The following ATP10A variants were observed in gnomAD, a reference collection of about 807,000 sequenced individuals.
ATP10A encodes the protein phospholipid-transporting ATPase VA.
In ATP10A, 111 loss-of-function variants were observed where a neutral mutation model predicts 147.8. That is an observed-to-expected ratio of 0.75 (90% CI 0.64 to 0.88). The LOEUF is 0.88. ATP10A is among the 40% of genes least tolerant of loss of function. The probability of loss-of-function intolerance (pLI) is 0.00; values close to 1 mark genes in which losing one functional copy is unlikely to be tolerated. For synonymous variants in ATP10A, 875 were observed against 841.6 expected, an observed-to-expected ratio of 1.04 and a Z score of -0.69; for missense variants, 1,927 against 1,959.0, an observed-to-expected ratio of 0.98 and a Z score of 0.31.
chr15:25,762,037 TG>T (rs1405563256), intron 2 of ATP10A, among the ~76,000 whole-genome samples: 4 of 152,160 alleles, frequency 2.6e-5, no homozygotes, highest in African/African-American at 9.7e-5. Context: ...AGGGATCCGG[TG>T]GGAGGTAAAT....
chr15:25,825,263 T>G (rs1409499605), intron 1 of ATP10A, among the ~76,000 whole-genome samples: 1 of 152,098 alleles, frequency 6.6e-6, no homozygotes, highest in East Asian at 1.9e-4. Flanking sequence ...ATGGTGGCTA[T>G]GAGGTGGGGC....
At chr15:25,805,662 T>C (rs17116194) in intron 1 of ATP10A, among the ~76,000 whole-genome samples, 2,587 of 152,226 alleles carry the variant, frequency 0.017, 85 homozygotes, top group African/African-American at 0.059. Flanking sequence ...GGGAAGAACA[T>C]GAAGAAATGC....
chr15:25,759,866 T>C (rs868265730), intron 2 of ATP10A, among the ~76,000 whole-genome samples: 4 of 152,118 alleles, frequency 2.6e-5, no homozygotes, highest in Non-Finnish European at 2.9e-5. Flanking sequence ...AGGAAACTGA[T>C]TCTATGTTTA....
intron 3 of ATP10A, among the ~76,000 whole-genome samples, chr15:25,731,828 T>C (rs1886953075): frequency 6.6e-6 from 1 of 152,220 alleles, no homozygotes; most frequent in Admixed American, 6.5e-5. Flanking sequence ...CATACTATAA[T>C]GTTCACTCAT....
At chr15:25,794,230 T>TACTGA (rs1890560980) in intron 1 of ATP10A, among the ~76,000 whole-genome samples, 1 of 152,154 alleles carries the variant, frequency 6.6e-6, no homozygotes, top group Non-Finnish European at 1.5e-5. Context: ...AGGCTTCTCT[T>TACTGA]GCAACAACTT....
chr15:25,735,622 G>T (rs1217382654), intron 3 of ATP10A, among the ~76,000 whole-genome samples: 2 of 152,172 alleles, frequency 1.3e-5, no homozygotes, highest in Non-Finnish European at 2.9e-5. Flanking sequence ...ATTACATCCA[G>T]TGCCTTGAAT....
intron 2 of ATP10A, among the ~76,000 whole-genome samples, chr15:25,750,770 G>A (rs1362165307): frequency 6.6e-6 from 1 of 151,954 alleles, no homozygotes; most frequent in Non-Finnish European, 1.5e-5. Context: ...GAGAGAAATG[G>A]AAGGATACCA....
chr15:25,748,124 G>A (rs369891071), intron 2 of ATP10A, among the ~76,000 whole-genome samples: 13 of 151,902 alleles, frequency 8.6e-5, no homozygotes, highest in East Asian at 3.9e-4. Context: ...CACCACACCC[G>A]GCTAATTTTT....
intron 2 of ATP10A, among the ~76,000 whole-genome samples, chr15:25,757,956 C>T (rs113160914): frequency 7.0e-3 from 68 of 9,674 alleles, no homozygotes; most frequent in African/African-American, 0.018. Flanking sequence ...CTCATTCCGA[C>T]CACCTGCTCC....
intron 1 of ATP10A, among the ~76,000 whole-genome samples, chr15:25,804,619 G>C (rs1479731453): frequency 6.6e-6 from 1 of 152,088 alleles, no homozygotes; most frequent in African/African-American, 2.4e-5. Flanking sequence ...CCAGGTCCAG[G>C]TCCAGGTCCA....
chr15:25,809,916 T>C (rs1891353774), intron 1 of ATP10A, among the ~76,000 whole-genome samples: 1 of 151,642 alleles, frequency 6.6e-6, no homozygotes. Context: ...GCCCTGGTAG[T>C]CACAGGTTCC....
At chr15:25,809,722 C>T (rs577523499) in intron 1 of ATP10A, among the ~76,000 whole-genome samples, 60 of 152,100 alleles carry the variant, frequency 3.9e-4, no homozygotes, top group African/African-American at 1.4e-3. Flanking sequence ...GGCAGGAAGA[C>T]AACCCCACTC....
intron 1 of ATP10A, among the ~76,000 whole-genome samples, chr15:25,852,413 T>A (rs1298904687): frequency 6.6e-6 from 1 of 152,172 alleles, no homozygotes; most frequent in Non-Finnish European, 1.5e-5. Context: ...GGGTCTGACC[T>A]CATTGAGGGT....
chr15:25,850,418 T>G (rs1000844699), intron 1 of ATP10A, among the ~76,000 whole-genome samples: 5 of 152,100 alleles, frequency 3.3e-5, no homozygotes, highest in African/African-American at 1.2e-4. Flanking sequence ...GATTTCCAAC[T>G]TGGCAAAAAG....
intron 2 of ATP10A, among the ~76,000 whole-genome samples, chr15:25,753,247 T>G (rs1035798720): frequency 6.6e-6 from 1 of 152,118 alleles, no homozygotes. Flanking sequence ...TATCTTCCTA[T>G]CTCCCCCATC....
intron 15 of ATP10A, among the ~76,000 whole-genome samples, chr15:25,689,856 C>G: frequency 6.6e-6 from 1 of 152,202 alleles, no homozygotes; most frequent in East Asian, 1.9e-4. Flanking sequence ...AGCTCCGGCC[C>G]CTCCCCAGCC....
intron 1 of ATP10A, among the ~76,000 whole-genome samples, chr15:25,787,113 C>T (rs759902322): frequency 6.6e-6 from 1 of 152,052 alleles, no homozygotes; most frequent in Non-Finnish European, 1.5e-5. Flanking sequence ...GACTGACCTC[C>T]CAAAAGTCAC....
At chr15:25,781,759 T>C (rs1158202444) in intron 1 of ATP10A, among the ~76,000 whole-genome samples, 2 of 152,162 alleles carry the variant, frequency 1.3e-5, no homozygotes, top group African/African-American at 4.8e-5. Flanking sequence ...ATGACTCCAT[T>C]GAACAAGCAA....
rs989376242 is a variant in ATP10A, at chr15:25,696,011, C to T, written c.2761-865G>A. Among the ~76,000 whole-genome samples, 8 of 152,152 alleles carry T rather than the reference C, an allele frequency of 5.3e-5. No homozygotes were observed. In the South Asian group the frequency reaches 1.2e-3, roughly 24 times the overall value. On this transcript the variant is annotated intron_variant, in intron 13 of 20. Transcript: ENST00000555815. Reference sequence around the variant, plus strand: ...ATTCCAGAGAAAGGAGGAAAACCTACGGTGGTAGCAGCACTAGGGATCAGG... The same window carrying T: ...ATTCCAGAGAAAGGAGGAAAACCTATGGTGGTAGCAGCACTAGGGATCAGG...
Sources: allele counts gnomAD v4.1 joint callset (sites outside exome capture counted in the v4.1 genomes callset), GRCh38; gene constraint gnomAD v4.1.1; transcripts MANE v1.5; gene names NCBI Gene and HGNC (gene_info 2026-07-23, HGNC 2026-07-21).